Variants in AKT3 observed in about 807,000 individuals in gnomAD.
AKT3 encodes the protein AKT serine/threonine kinase 3.
In AKT3, 15 loss-of-function variants were observed where a neutral mutation model predicts 65.3. The observed-to-expected ratio is 0.23, with a 90% CI of 0.15 to 0.35. The LOEUF (loss-of-function observed/expected upper bound fraction) is 0.35. Among genes scored for constraint, AKT3 ranks in the 10% least tolerant of loss-of-function variants. AKT3 has a pLI of 1.00. For missense variants in AKT3, 243 were observed against 576.5 expected, an observed-to-expected ratio of 0.42 and a Z score of 5.92; for synonymous variants, 206 against 183.8, an observed-to-expected ratio of 1.12 and a Z score of -0.98.
At chr1:243,850,295 A>AGGCGGCGGCGGCGGCGGCGGCGGCGGC (rs34490111), upstream of AKT3, among the ~76,000 whole-genome samples, 1 of 118,258 alleles carries the variant, frequency 8.5e-6, no homozygotes, top group Non-Finnish European at 1.7e-5. Flanking sequence ...CTGGAGCGGG[A>AGGCGGCGGCGGCGGCGGCGGCGGCGGC]GGCGGCGGCG....
chr1:243,828,083 C>A (rs1694278335), intron 2 of AKT3, among the ~76,000 whole-genome samples: 1 of 151,708 alleles, frequency 6.6e-6, no homozygotes. Flanking sequence ...ACAACAACAA[C>A]AACAACAAAA....
rs541483873 is a variant in AKT3, at chr1:243,488,923, A to G, written c.*7-473T>C. On this transcript the variant is annotated intron_variant, in intron 13 of 13. Transcript: ENST00000336199. ...CTAGGCGTCCTGCTCATGGTTCCCT[A>G]TCAGGGGCTTCCCTCAGATACACAC... 3.1e-6 allele frequency: 5 copies of G among 1,594,480 alleles called. No homozygotes were observed. In the African/African-American group the frequency reaches 6.7e-5, roughly 21 times the overall value.
At chr1:243,607,021 C>A (rs1239180276) in intron 8 of AKT3, among the ~76,000 whole-genome samples, 1 of 152,234 alleles carries the variant, frequency 6.6e-6, no homozygotes, top group African/African-American at 2.4e-5. Flanking sequence ...GGTTTGGGAA[C>A]CTCCACCTAG....
chr1:243,686,375 C>T (rs984582295), intron 3 of AKT3, among the ~76,000 whole-genome samples: 1 of 151,760 alleles, frequency 6.6e-6, no homozygotes, highest in Non-Finnish European at 1.5e-5. Context: ...AAGTCCTAGG[C>T]ATGAAATGAA....
chr1:243,648,412 C>T (rs1025758249), intron 4 of AKT3, among the ~76,000 whole-genome samples: 10 of 152,064 alleles, frequency 6.6e-5, no homozygotes, highest in African/African-American at 2.4e-4. Context: ...ACTTTGAATT[C>T]TTGGGAGAAG....
chr1:243,757,531 T>A (rs963672654), intron 2 of AKT3, among the ~76,000 whole-genome samples: 1 of 152,042 alleles, frequency 6.6e-6, no homozygotes, highest in African/African-American at 2.4e-5. Context: ...GACAGGAGAA[T>A]CGCTTGAACC....
At chr1:243,654,904 T>C (rs1011102391) in intron 4 of AKT3, among the ~76,000 whole-genome samples, 4 of 152,116 alleles carry the variant, frequency 2.6e-5, no homozygotes, top group African/African-American at 9.7e-5. Flanking sequence ...CTAATGAGAT[T>C]AGGGATTTTC....
At chr1:243,512,226 T>C in intron 13 of AKT3, 98 bp downstream of exon 13, 1 of 637,282 alleles carries the variant, frequency 1.6e-6, no homozygotes, top group South Asian at 2.3e-5. Flanking sequence ...GAATTTGATC[T>C]TGAAAATATC....
intron 8 of AKT3, among the ~76,000 whole-genome samples, chr1:243,598,688 T>C (rs894447998): frequency 4.6e-5 from 7 of 152,186 alleles, no homozygotes; most frequent in Middle Eastern, 3.2e-3. Context: ...AGGAAGTTCC[T>C]TCCCACATAC....
At chr1:243,512,496 G>T in intron 12 of AKT3, 70 bp from the exon 13 acceptor site, 2 of 939,840 alleles carry the variant, frequency 2.1e-6, no homozygotes, top group Non-Finnish European at 1.6e-6. Context: ...TAGGAAAAAA[G>T]CAGAGAGCAC....
In AKT3 at chr1:243,726,268, TTTAGGTATTAAAGGATG is replaced by T. The variant is rs561166682; in HGVS notation, c.47-30569_47-30553del. The stretch of plus-strand genomic sequence containing the variant: ...GATAATATCAGAACAAGACTGATTA[TTTAGGTATTAAAGGATG>T]TATAAGTAAATTCCAGTGGTGAAAT... On this transcript the variant is annotated intron_variant, in intron 2 of 13. Coordinates refer to ENST00000673466, the MANE Select transcript of AKT3 (RefSeq NM_005465.7). 1.5e-3 allele frequency among the ~76,000 whole-genome samples: 229 copies of T among 152,314 alleles called. 1 individual carries two copies. The highest frequency in any genetic ancestry group is 5.3e-3 in the African/African-American group (221 of 41,574).
intron 2 of AKT3, among the ~76,000 whole-genome samples, chr1:243,756,472 C>T (rs1023353874): frequency 4.6e-5 from 7 of 152,118 alleles, no homozygotes; most frequent in African/African-American, 1.7e-4. Context: ...ATCCCGCTGG[C>T]CACATCTGAG....
At position 243,728,738 on chromosome 1, in the gene AKT3, C is replaced by T. The variant is rs1022137100; in HGVS notation, c.47-33022G>A. ...ACTAAGATCAATGAGTTTTAAAGTA[C>T]GTGTCATTAAAAGCACAAACTCATT... On this transcript the variant is annotated intron_variant, in intron 2 of 13. Transcript: ENST00000673466. Among the ~76,000 whole-genome samples the T allele has an allele frequency of 1.6e-4, 24 of 152,166 alleles. No individual in the cohort carries two copies. The East Asian group carries it at 2.5e-3, about 16-fold the overall frequency.
intron 3 of AKT3, among the ~76,000 whole-genome samples, chr1:243,681,635 A>G (rs1053073722): frequency 6.6e-6 from 1 of 152,190 alleles, no homozygotes; most frequent in Non-Finnish European, 1.5e-5. Context: ...TACGTGGCAT[A>G]GCACGAAAGT....
intron 3 of AKT3, among the ~76,000 whole-genome samples, chr1:243,691,796 A>T (rs965779149): frequency 1.3e-5 from 2 of 152,188 alleles, no homozygotes; most frequent in African/African-American, 4.8e-5. Context: ...AATGCTCAGG[A>T]GAGAGGCCTA....
intron 13 of AKT3, among the ~76,000 whole-genome samples, chr1:243,507,665 A>G (rs1227076578): frequency 1.3e-5 from 2 of 152,220 alleles, no homozygotes; most frequent in African/African-American, 2.4e-5. Context: ...TGTTTTTCAA[A>G]AACACTTATC....
chr1:243,757,026 A>T (rs910534939), intron 2 of AKT3, among the ~76,000 whole-genome samples: 4 of 152,258 alleles, frequency 2.6e-5, no homozygotes, highest in African/African-American at 9.6e-5. Context: ...TGTAATCTTT[A>T]AAAGCATAAA....
At chr1:243,522,082 T>A (rs1670754350) in intron 12 of AKT3, among the ~76,000 whole-genome samples, 1 of 152,244 alleles carries the variant, frequency 6.6e-6, no homozygotes, top group Non-Finnish European at 1.5e-5. Context: ...TTAAAAGGCA[T>A]GAGAGGGTAA....
At chr1:243,708,489 AT>A (rs1325107998) in intron 2 of AKT3, among the ~76,000 whole-genome samples, 2 of 151,986 alleles carry the variant, frequency 1.3e-5, no homozygotes, top group African/African-American at 2.4e-5. Context: ...AAATGGGCAT[AT>A]TTGCTCATTA....
Sources: gnomAD v4.1 joint callset for allele counts (sites outside exome capture counted in the v4.1 genomes callset) on GRCh38, gnomAD v4.1.1 for gene constraint, MANE v1.5 for transcripts, NCBI Gene and HGNC (gene_info 2026-07-23, HGNC 2026-07-21) for gene names.